Variants in CIDEB observed in about 807,000 individuals in gnomAD.
CIDEB encodes lipid transferase CIDEB.
A neutral mutation model predicts 22.4 loss-of-function variants in CIDEB; 27 were observed. The observed-to-expected ratio is 1.21, with a 90% confidence interval of 0.89 to 1.66. The LOEUF is 1.66. CIDEB is among the 40% of genes most tolerant of loss of function. CIDEB has a pLI of 0.00. For missense variants in CIDEB, 289 were observed against 268.7 expected, an observed-to-expected ratio of 1.08 and a Z score of -0.53; for synonymous variants, 103 against 109.5, an observed-to-expected ratio of 0.94 and a Z score of 0.37.
chr14:24,307,996 G>A, upstream of CIDEB: 1 of 789,520 alleles, frequency 1.3e-6, no homozygotes, highest in Non-Finnish European at 2.1e-6. Flanking sequence ...CCTGGACTCT[G>A]GCCCCCCTGC....
At chr14:24,310,667 G>A, upstream of CIDEB, 1 of 1,614,168 alleles carries the variant, frequency 6.2e-7, no homozygotes, top group South Asian at 1.1e-5. Flanking sequence ...CCAGAAGGAT[G>A]TCGGTCTGCT....
rs759251111 is a variant in CIDEB at position 24,307,838 on chromosome 14, C to G, written c.21G>C (p.Leu7=). 1 of 1,595,608 alleles carries G rather than the reference C, an allele frequency of 6.3e-7. No individual in the cohort carries two copies. The highest frequency in any genetic ancestry group is 8.5e-7 in the Non-Finnish European group (1 of 1,170,778). The part of the protein sequence containing the change: MEYLSA[L]NPSDLLRSVS... ...GTCACCTGAGTAAGTCACTGGGGTTCAGAGCTGAGAGGTACTCCATGGTGG... is the reference window on the plus strand; with the variant it reads ...GTCACCTGAGTAAGTCACTGGGGTTGAGAGCTGAGAGGTACTCCATGGTGG... Residue 7 remains leucine (L), a synonymous_variant, in exon 1 of 5, where the codon CTG becomes CTC. Transcript: ENST00000554411.
chr14:24,305,923 C>T (rs767381330), intron 4 of CIDEB, 24 bp downstream of exon 4: 14 of 1,606,216 alleles, frequency 8.7e-6, no homozygotes, highest in South Asian at 5.6e-5. Context: ...GGGGATGGGG[C>T]AGTATGACAT....
At chr14:24,308,160 A>G, upstream of CIDEB, 1 of 444,280 alleles carries the variant, frequency 2.3e-6, no homozygotes, top group Non-Finnish European at 4.1e-6. Flanking sequence ...ACCATGTAAA[A>G]GGATGAAATG....
At chr14:24,310,225 C>G, upstream of CIDEB, 1 of 455,476 alleles carries the variant, frequency 2.2e-6, no homozygotes, top group Non-Finnish European at 4.0e-6. Context: ...TCAGCTTCTC[C>G]AGGCCCCCAA....
upstream of CIDEB, chr14:24,310,313 CTAGAATGGGGCTGGACAAAGAA>C: frequency 1.7e-6 from 1 of 591,958 alleles, no homozygotes; most frequent in Non-Finnish European, 3.0e-6. Context: ...CCCAGATGTG[CTAGAATGGGGCTGGACAAAGAA>C]GGAGGGGCCA....
rs751605474 is a variant in CIDEB, at chr14:24,305,663, C to G, written c.630G>C (p.Trp210Cys). The change falls in exon 5 of 5, where the codon TGG (tryptophan) becomes TGC (cysteine). Residue 210 changes from tryptophan (W) to cysteine (C), a missense_variant. Physicochemically the swap from Trp to Cys is radical, Grantham distance 215. Transcript: ENST00000554411. ...AGGAATGGAGGCGGCCCTTCTGCTG[C>G]CACTGCTCAGCCCCCTCCACTGCAT... ...LRHAVEGAEQWQQKGRLHSY is the reference protein window; with the variant it reads ...LRHAVEGAEQCQQKGRLHSY 4.3e-6 allele frequency: 7 copies of G among 1,613,950 alleles called. No homozygotes were observed. The highest frequency in any genetic ancestry group is 1.7e-5 in the Admixed American group (1 of 59,970).
upstream of CIDEB, chr14:24,310,984 C>G (rs1279763025): frequency 6.3e-7 from 1 of 1,590,358 alleles, no homozygotes; most frequent in South Asian, 1.1e-5. Context: ...AGCATGTACG[C>G]CAGCGTGCTG....
At chr14:24,309,468 C>A (rs2748543), upstream of CIDEB, 22,866 of 152,280 alleles carry the variant, frequency 0.15, 2,367 homozygotes, top group Admixed American at 0.27. Context: ...TCTGCCAGGC[C>A]CCCCTCAAAT....
At chr14:24,307,083 G>C (rs1041879617) in intron 2 of CIDEB, 6 of 333,392 alleles carry the variant, frequency 1.8e-5, no homozygotes, top group Non-Finnish European at 3.3e-5. Context: ...GGCAGAATCA[G>C]AATTTGAACT....
Position 24,306,034 on chromosome 14 carries a change from A to G in CIDEB, c.440T>C (p.Phe147Ser), listed in dbSNP as rs773522747. The G allele has an allele frequency of 1.2e-6, 2 of 1,614,058 alleles. No individual in the cohort carries two copies. Among genetic ancestry groups the G allele is most frequent in the Non-Finnish European group, 1.7e-6 (2 of 1,180,036 alleles). Residue 147 changes from phenylalanine to serine, a missense_variant, in exon 4 of 5, where the codon TTT (phenylalanine) becomes TCT (serine). Physicochemically the swap from Phe to Ser is radical, Grantham distance 155. Coordinates refer to ENST00000554411, the MANE Select transcript of CIDEB (RefSeq NM_001393339.1). ...DVYKQNPRDLFGSLNVKATFY... is the reference protein window; with the variant it reads ...DVYKQNPRDLSGSLNVKATFY... ...TGTGGCTTTGACATTCAGGCTGCCA[A>G]AGAGGTCTCGAGGGTTTTGCTTGTA...
At position 24,307,425 on chromosome 14, in the gene CIDEB, C is replaced by T; in HGVS notation, c.132G>A (p.Lys44=). 1.2e-6 allele frequency: 2 copies of T among 1,614,072 alleles called. No individual in the cohort carries two copies. The highest frequency in any genetic ancestry group is 1.7e-6 in the Non-Finnish European group (2 of 1,179,988). The change falls in exon 2 of 5, where the codon AAG becomes AAA. Residue 44 remains lysine (K), a synonymous_variant. Coordinates refer to ENST00000554411, the MANE Select transcript of CIDEB (RefSeq NM_001393339.1). ...PQRPFRVCDH[K]RTIRKGLTAA... ...CTGTCAGGCCTTTCCGGATGGTCCG[C>T]TTGTGATCACAGACACGGAAAGGTC...
chr14:24,310,799 G>T, upstream of CIDEB: 2 of 1,603,020 alleles, frequency 1.2e-6, no homozygotes, highest in Non-Finnish European at 1.7e-6. Flanking sequence ...TGTGGAGCTT[G>T]GCGGGCTGGC....
chr14:24,306,784 T>C lies in CIDEB; in HGVS notation c.187-261A>G, dbSNP rs77824268. 1,212 of 506,552 alleles carry C rather than the reference T, an allele frequency of 2.4e-3. 13 individuals carry two copies. Among genetic ancestry groups the C allele is most frequent in the African/African-American group, 0.02 (1,034 of 52,202 alleles). 31.4% of individuals were successfully genotyped at this position (506,552 alleles called of 1,614,324 possible). ...GCTCCCCTCCAAGTCACTTCTGGTT[T>C]GGAATTGGAAAGCAAGCCAGGTTCT... On this transcript the variant is annotated intron_variant, in intron 2 of 4. Transcript: ENST00000554411.
chr14:24,306,424 C>T lies in CIDEB; in HGVS notation c.286G>A (p.Asp96Asn). ...SEDFFQLLED[D>N]TCLMVLQSGQ... Reference sequence around the variant, plus strand: ...GACTGCAACACCATCAGGCACGTGTCATCCTCCAGCAGCTGGAAGAAGTCC... The same window carrying T: ...GACTGCAACACCATCAGGCACGTGTTATCCTCCAGCAGCTGGAAGAAGTCC... The change falls in exon 3 of 5, where the codon GAC (aspartate) becomes AAC (asparagine). Residue 96 changes from aspartate (D) to asparagine (N), a missense_variant. Asp to Asn is a conservative substitution (Grantham distance 23, BLOSUM62 1). Transcript: ENST00000554411. 3 of 1,614,266 alleles carry T rather than the reference C, an allele frequency of 1.9e-6. No homozygotes were observed. The highest frequency in any genetic ancestry group is 2.5e-6 in the Non-Finnish European group (3 of 1,180,044).
upstream of CIDEB, chr14:24,310,235 A>G (rs1173696712): frequency 2.1e-6 from 1 of 477,652 alleles, no homozygotes; most frequent in African/African-American, 2.0e-5. Flanking sequence ...CAGGCCCCCA[A>G]TCCTGCTTGC....
upstream of CIDEB, chr14:24,311,308 C>G: frequency 6.3e-7 from 1 of 1,593,878 alleles, no homozygotes; most frequent in African/African-American, 1.3e-5. Context: ...CGCTGGGGCT[C>G]CGGGCGGCAC....
chr14:24,307,341 T>A (rs779804582), intron 2 of CIDEB, 30 bp downstream of exon 2: 1 of 1,600,384 alleles, frequency 6.2e-7, no homozygotes, highest in South Asian at 1.1e-5. Flanking sequence ...CTACCCCTGC[T>A]ATAGGAACCG....
chr14:24,307,525 G>A lies in CIDEB; in HGVS notation c.42-10C>T. ...TATATTAGATACTGACCTGGTAGTT[G>A]AGAAGAAAAGTCAAGAAGGGGCGAG... On this transcript the variant is annotated splice_polypyrimidine_tract_variant and intron_variant, in intron 1 of 4. Coordinates refer to ENST00000554411, the MANE Select transcript of CIDEB (RefSeq NM_001393339.1). 1 of 1,611,798 alleles carries A rather than the reference G, an allele frequency of 6.2e-7. No homozygotes were observed.
Sources: allele counts gnomAD v4.1 joint callset, GRCh38; gene constraint gnomAD v4.1.1; transcripts MANE v1.5; gene names NCBI Gene and HGNC (gene_info 2026-07-23, HGNC 2026-07-21).